UBAC2: variants seen among roughly 807,000 people sequenced by gnomAD.
The protein encoded by UBAC2 is ubiquitin-associated domain-containing protein 2.
Under a neutral mutation model 44.0 loss-of-function variants are expected in UBAC2, and 26 were observed. The observed-to-expected ratio is 0.59, with a 90% CI of 0.43 to 0.82. The LOEUF (loss-of-function observed/expected upper bound fraction) is 0.82. Among genes scored for constraint, UBAC2 ranks in the 40% least tolerant of loss-of-function variants. UBAC2 has a pLI of 0.00. For synonymous variants in UBAC2, 155 were observed against 154.3 expected (o/e 1.00, Z -0.04); for missense variants, 329 against 419.4 (o/e 0.78, Z 1.88).
chr13:99,347,231 A>G (rs2044998062), intron 7 of UBAC2, among the ~76,000 whole-genome samples: 1 of 147,816 alleles, frequency 6.8e-6, no homozygotes, highest in Middle Eastern at 3.5e-3. Flanking sequence ...GGAGAAAACC[A>G]GTTCAGTGGC....
At chr13:99,332,130 G>A (rs753317944) in intron 6 of UBAC2, among the ~76,000 whole-genome samples, 27 of 152,088 alleles carry the variant, frequency 1.8e-4, no homozygotes, top group Non-Finnish European at 2.9e-4. Flanking sequence ...ATGTGGGACC[G>A]GTGGTTGGCA....
chr13:99,346,577 C>T (rs944227770), intron 7 of UBAC2, among the ~76,000 whole-genome samples: 2 of 152,236 alleles, frequency 1.3e-5, no homozygotes, highest in African/African-American at 4.8e-5. Flanking sequence ...TCCCTTTCCT[C>T]TCTGCCCAGA....
intron 4 of UBAC2, among the ~76,000 whole-genome samples, chr13:99,297,563 A>T (rs1469010456): frequency 2.0e-5 from 3 of 152,150 alleles, no homozygotes; most frequent in Non-Finnish European, 4.4e-5. Context: ...TGGTCATGTT[A>T]TGTTAGAGGT....
At chr13:99,299,822 C>T (rs905957034) in intron 4 of UBAC2, among the ~76,000 whole-genome samples, 4 of 152,170 alleles carry the variant, frequency 2.6e-5, no homozygotes, top group African/African-American at 9.7e-5. Flanking sequence ...ATCTACTTCG[C>T]AGGTGATAAA....
intron 6 of UBAC2, among the ~76,000 whole-genome samples, chr13:99,322,920 C>G (rs535048662): frequency 6.6e-6 from 1 of 152,242 alleles, no homozygotes; most frequent in South Asian, 2.1e-4. Context: ...TTCTCTCTTC[C>G]CTCTGTAGTA....
chr13:99,325,071 A>T (rs1446967860), intron 6 of UBAC2, among the ~76,000 whole-genome samples: 1 of 145,672 alleles, frequency 6.9e-6, no homozygotes, highest in Non-Finnish European at 1.5e-5. Context: ...ATTCAAATGT[A>T]GGTAGCATAA....
At chr13:99,247,369 C>T (rs2043399004) in intron 4 of UBAC2, among the ~76,000 whole-genome samples, 1 of 148,246 alleles carries the variant, frequency 6.7e-6, no homozygotes, top group Admixed American at 6.7e-5. Context: ...CGCCCGCTAC[C>T]ACGCCCGGCT....
intron 1 of UBAC2, among the ~76,000 whole-genome samples, chr13:99,237,606 G>A (rs1169159490): frequency 2.6e-5 from 4 of 152,200 alleles, no homozygotes; most frequent in Admixed American, 6.5e-5. Flanking sequence ...TCTATCGTAC[G>A]TTTCAAAATA....
chr13:99,361,159 A>G (rs1359296084), intron 7 of UBAC2, among the ~76,000 whole-genome samples: 1 of 152,246 alleles, frequency 6.6e-6, no homozygotes, highest in Non-Finnish European at 1.5e-5. Context: ...ATACATGTAT[A>G]TATACACAAG....
chr13:99,228,708 G>T (rs964374005), intron 1 of UBAC2, among the ~76,000 whole-genome samples: 2 of 152,206 alleles, frequency 1.3e-5, no homozygotes, highest in Non-Finnish European at 2.9e-5. Flanking sequence ...AAGGATTTAG[G>T]TTGGTTAGGC....
At chr13:99,250,045 G>T (rs2043438877) in intron 4 of UBAC2, among the ~76,000 whole-genome samples, 1 of 152,080 alleles carries the variant, frequency 6.6e-6, no homozygotes, top group East Asian at 1.9e-4. Context: ...ATTTTGCTGT[G>T]CAGAAGCTCT....
intron 1 of UBAC2, among the ~76,000 whole-genome samples, chr13:99,230,245 C>G (rs1412638800): frequency 1.3e-5 from 2 of 152,062 alleles, no homozygotes; most frequent in Non-Finnish European, 2.9e-5. Flanking sequence ...GGGCAGATTG[C>G]CTGATCTCAG....
intron 1 of UBAC2, among the ~76,000 whole-genome samples, chr13:99,229,038 A>G (rs185151131): frequency 1.1e-3 from 163 of 152,296 alleles, no homozygotes; most frequent in African/African-American, 3.9e-3. Flanking sequence ...CTTTTCTGTG[A>G]TCTTGGCTGT....
At chr13:99,305,451 C>T (rs980120975) in intron 4 of UBAC2, among the ~76,000 whole-genome samples, 4 of 152,294 alleles carry the variant, frequency 2.6e-5, no homozygotes, top group Middle Eastern at 3.4e-3. Flanking sequence ...TCCCTGTAAA[C>T]GGCTTTATTA....
At chr13:99,255,794 C>G in intron 4 of UBAC2, 2 of 1,612,084 alleles carry the variant, frequency 1.2e-6, no homozygotes, top group Non-Finnish European at 8.5e-7. Flanking sequence ...CTATAGAAGA[C>G]AAGGGCTGCA....
chr13:99,309,757 C>T (rs1187606311), intron 4 of UBAC2, among the ~76,000 whole-genome samples: 3 of 151,890 alleles, frequency 2.0e-5, no homozygotes, highest in Non-Finnish European at 2.9e-5. Flanking sequence ...CATGCCACCA[C>T]GCCCAGCTAA....
At chr13:99,370,983 T>G (rs2045397892) in intron 8 of UBAC2, among the ~76,000 whole-genome samples, 1 of 152,238 alleles carries the variant, frequency 6.6e-6, no homozygotes, top group Non-Finnish European at 1.5e-5. Context: ...AATATCAAAA[T>G]TCCGTTATGT....
intron 1 of UBAC2, among the ~76,000 whole-genome samples, chr13:99,222,935 G>T (rs1326488599): frequency 2.0e-5 from 3 of 152,126 alleles, no homozygotes; most frequent in Non-Finnish European, 2.9e-5. Context: ...GTATTTAAAT[G>T]CTTGGTAGAA....
At chr13:99,296,167 G>GAA in intron 4 of UBAC2, 1 of 1,539,716 alleles carries the variant, frequency 6.5e-7, no homozygotes, top group East Asian at 2.3e-5. Flanking sequence ...CAGGTGTCTA[G>GAA]AAAAAAACCA....
Sources: allele counts gnomAD v4.1 joint callset (sites outside exome capture counted in the v4.1 genomes callset), GRCh38; gene constraint gnomAD v4.1.1; transcripts MANE v1.5; gene names NCBI Gene and HGNC (gene_info 2026-07-23, HGNC 2026-07-21).